Variants in CSGALNACT1 observed in about 807,000 individuals in gnomAD.
CSGALNACT1 encodes the protein chondroitin sulfate N-acetylgalactosaminyltransferase 1.
Under a neutral mutation model 51.0 loss-of-function variants are expected in CSGALNACT1, and 52 were observed. The observed-to-expected ratio is 1.02, with a 90% CI of 0.82 to 1.29. The LOEUF is 1.29. Ranked by LOEUF, CSGALNACT1 falls within the 50% of genes most tolerant of loss-of-function variation. The probability of loss-of-function intolerance (pLI) is 0.00; values close to 1 mark genes in which losing one functional copy is unlikely to be tolerated. For synonymous variants in CSGALNACT1, 341 were observed against 254.4 expected, an observed-to-expected ratio of 1.34 and a Z score of -3.24; for missense variants, 935 against 679.2, an observed-to-expected ratio of 1.38 and a Z score of -4.19.
chr8:19,727,268 A>G (rs1042099853), intron 1 of CSGALNACT1, among the ~76,000 whole-genome samples: 1 of 151,940 alleles, frequency 6.6e-6, no homozygotes, highest in African/African-American at 2.4e-5. Context: ...CCCTTTAACT[A>G]TTTTCTTTAG....
chr8:19,736,675 T>C (rs1175223204), intron 1 of CSGALNACT1, among the ~76,000 whole-genome samples: 1 of 152,032 alleles, frequency 6.6e-6, no homozygotes, highest in Non-Finnish European at 1.5e-5. Flanking sequence ...AAAAAGAGAA[T>C]TTGTAAAACA....
chr8:19,549,854 G>C (rs576739928), intron 3 of CSGALNACT1, among the ~76,000 whole-genome samples: 2 of 152,092 alleles, frequency 1.3e-5, no homozygotes, highest in Middle Eastern at 3.4e-3. Flanking sequence ...GATTTGGAAA[G>C]TACAGCTGTA....
At chr8:19,617,591 A>G (rs1042266033) in intron 1 of CSGALNACT1, among the ~76,000 whole-genome samples, 5 of 152,220 alleles carry the variant, frequency 3.3e-5, no homozygotes, top group African/African-American at 1.2e-4. Flanking sequence ...TCCTACAGAG[A>G]TATACATTTA....
intron 1 of CSGALNACT1, among the ~76,000 whole-genome samples, chr8:19,755,833 G>C (rs2065337586): frequency 1.3e-5 from 2 of 152,294 alleles, no homozygotes; most frequent in East Asian, 1.9e-4. Context: ...AAAGTATTTT[G>C]ATATTGTATT....
At chr8:19,704,955 T>C (rs1270959601) in intron 1 of CSGALNACT1, among the ~76,000 whole-genome samples, 1 of 152,140 alleles carries the variant, frequency 6.6e-6, no homozygotes, top group Non-Finnish European at 1.5e-5. Context: ...AATGGGGAGA[T>C]TTTGCTTAAA....
upstream of CSGALNACT1, among the ~76,000 whole-genome samples, chr8:19,685,819 G>T (rs1395519957): frequency 6.6e-6 from 1 of 152,204 alleles, no homozygotes; most frequent in Non-Finnish European, 1.5e-5. Flanking sequence ...ACGAGAAGGA[G>T]TGGGAAGAGG....
chr8:19,572,412 A>G (rs979173534), intron 3 of CSGALNACT1, among the ~76,000 whole-genome samples: 5 of 152,208 alleles, frequency 3.3e-5, no homozygotes, highest in African/African-American at 1.2e-4. Flanking sequence ...AATTTTCAGA[A>G]CAGGTTAACA....
At chr8:19,442,605 T>G (rs4294197) in intron 5 of CSGALNACT1, among the ~76,000 whole-genome samples, 67,639 of 147,062 alleles carry the variant, frequency 0.46, 17,103 homozygotes, top group East Asian at 0.84. Context: ...AGCATTAGGA[T>G]ATATGCCTAA....
chr8:19,617,401 C>A (rs1422773603), intron 1 of CSGALNACT1, among the ~76,000 whole-genome samples: 17 of 152,156 alleles, frequency 1.1e-4, no homozygotes, highest in Admixed American at 1.1e-3. Flanking sequence ...AAAGAAATAC[C>A]TAGTCTCAGG....
intron 1 of CSGALNACT1, among the ~76,000 whole-genome samples, chr8:19,652,633 C>T (rs1564353656): frequency 1.3e-5 from 2 of 152,214 alleles, no homozygotes; most frequent in Non-Finnish European, 2.9e-5. Flanking sequence ...TTGACCATCT[C>T]CTTCTCTATC....
At chr8:19,691,302 C>A (rs555548510) in intron 1 of CSGALNACT1, among the ~76,000 whole-genome samples, 1 of 152,250 alleles carries the variant, frequency 6.6e-6, no homozygotes, top group South Asian at 2.1e-4. Context: ...GGCCTCCTCC[C>A]AAACACCGCT....
chr8:19,587,649 C>A (rs1393041565), intron 3 of CSGALNACT1, among the ~76,000 whole-genome samples: 1 of 152,162 alleles, frequency 6.6e-6, no homozygotes, highest in East Asian at 1.9e-4. Context: ...TTATTACATA[C>A]AGATGCCCTT....
chr8:19,684,844 T>C (rs2060883884), upstream of CSGALNACT1, among the ~76,000 whole-genome samples: 1 of 152,234 alleles, frequency 6.6e-6, no homozygotes, highest in Admixed American at 6.5e-5. Flanking sequence ...TTTTCTTTTC[T>C]CATTCTAAGT....
At chr8:19,483,431 C>A (rs1219753742) in intron 4 of CSGALNACT1, among the ~76,000 whole-genome samples, 2 of 152,202 alleles carry the variant, frequency 1.3e-5, no homozygotes. Context: ...TGGATTTTAG[C>A]CTTATGAATT....
At chr8:19,410,528 A>G (rs930803551) in intron 8 of CSGALNACT1, among the ~76,000 whole-genome samples, 1 of 152,202 alleles carries the variant, frequency 6.6e-6, no homozygotes, top group African/African-American at 2.4e-5. Flanking sequence ...GCTGAGGATC[A>G]CATGGAATTT....
intron 3 of CSGALNACT1, among the ~76,000 whole-genome samples, chr8:19,532,540 T>C (rs1157438061): frequency 7.9e-5 from 12 of 152,200 alleles, no homozygotes; most frequent in African/African-American, 2.7e-4. Context: ...ACAGCTGCCA[T>C]TATAGTTTTA....
intron 1 of CSGALNACT1, among the ~76,000 whole-genome samples, chr8:19,654,077 C>T (rs1168214880): frequency 1.3e-5 from 2 of 152,196 alleles, no homozygotes; most frequent in African/African-American, 4.8e-5. Flanking sequence ...GCATGAAAAG[C>T]TGCCTTATTC....
At chr8:19,666,943 A>AGAG (rs2059316586) in intron 1 of CSGALNACT1, among the ~76,000 whole-genome samples, 6 of 79,392 alleles carry the variant, frequency 7.6e-5, no homozygotes, top group Non-Finnish European at 1.6e-4. Context: ...GAGAGAGAGA[A>AGAG]AAAGAAAGAA....
At chr8:19,621,621 A>AT (rs1452654646) in intron 1 of CSGALNACT1, among the ~76,000 whole-genome samples, 3 of 152,128 alleles carry the variant, frequency 2.0e-5, no homozygotes, top group South Asian at 2.1e-4. Flanking sequence ...TACAAAAAAT[A>AT]TTTTTTTACA....
Sources: allele counts gnomAD v4.1 joint callset (sites outside exome capture counted in the v4.1 genomes callset), GRCh38; gene constraint gnomAD v4.1.1; transcripts MANE v1.5; gene names NCBI Gene and HGNC (gene_info 2026-07-23, HGNC 2026-07-21).